EML1: variants seen among roughly 807,000 people sequenced by gnomAD.
EML1 encodes echinoderm microtubule-associated protein-like 1.
In EML1, 27 loss-of-function variants were observed where a neutral mutation model predicts 110.4. That is an observed-to-expected ratio of 0.24 (90% CI 0.18 to 0.34). The LOEUF is 0.34. EML1 is among the 10% of genes least tolerant of loss of function. EML1 has a pLI of 1.00. For missense variants in EML1, 741 were observed against 1,030.9 expected, an observed-to-expected ratio of 0.72 and a Z score of 3.85; for synonymous variants, 344 against 385.8, an observed-to-expected ratio of 0.89 and a Z score of 1.27.
intron 1 of EML1, among the ~76,000 whole-genome samples, chr14:99,775,692 C>T (rs182925329): frequency 1.1e-4 from 16 of 152,274 alleles, no homozygotes; most frequent in Non-Finnish European, 2.2e-4. Context: ...GTGGCCCAGC[C>T]GCCATGTGGA....
intron 17 of EML1, among the ~76,000 whole-genome samples, chr14:99,922,182 A>G (rs8012778): frequency 0.042 from 6,387 of 151,628 alleles, 501 homozygotes; most frequent in African/African-American, 0.15. Flanking sequence ...TTTTTGAGAC[A>G]GAGCCTCACT....
chr14:99,801,147 A>G (rs965663967), intron 1 of EML1, among the ~76,000 whole-genome samples: 12 of 152,240 alleles, frequency 7.9e-5, no homozygotes, highest in African/African-American at 2.9e-4. Context: ...ATAACCTTTG[A>G]AGGACAATGG....
At chr14:99,901,332 C>T (rs996173891) in intron 9 of EML1, among the ~76,000 whole-genome samples, 30 of 152,272 alleles carry the variant, frequency 2.0e-4, no homozygotes, top group Admixed American at 2.0e-3. Flanking sequence ...TGTGCTCTGG[C>T]CTTGAATTTC....
At chr14:99,828,781 G>A (rs960790174) in intron 1 of EML1, among the ~76,000 whole-genome samples, 1 of 152,178 alleles carries the variant, frequency 6.6e-6, no homozygotes, top group Non-Finnish European at 1.5e-5. Context: ...ATTATATGCT[G>A]TATTCTTCAA....
intron 19 of EML1, 96 bp from the exon 20 acceptor site, chr14:99,937,698 GGTCTCCCTCTCCAGGAAGGGCTC>G: frequency 1.3e-6 from 1 of 791,090 alleles, no homozygotes; most frequent in Non-Finnish European, 2.1e-6. Flanking sequence ...GGAAGTGGAA[GGTCTCCCTCTCCAGGAAGGGCTC>G]TGTACCCAAC....
chr14:99,750,341 CT>C (rs2057161641), intron 1 of EML1, among the ~76,000 whole-genome samples: 1 of 152,176 alleles, frequency 6.6e-6, no homozygotes, highest in Admixed American at 6.5e-5. Context: ...GGGAGAGGTG[CT>C]GGCAGCACAT....
chr14:99,771,250 C>T (rs1435168248), upstream of EML1, among the ~76,000 whole-genome samples: 4 of 152,196 alleles, frequency 2.6e-5, no homozygotes, highest in South Asian at 6.2e-4. Context: ...TTCCCTTCCC[C>T]TCAGTCTCTG....
At chr14:99,744,949 T>C (rs2057087675) in intron 1 of EML1, among the ~76,000 whole-genome samples, 1 of 152,220 alleles carries the variant, frequency 6.6e-6, no homozygotes, top group Admixed American at 6.5e-5. Flanking sequence ...TGAATAATAC[T>C]GGGGGAAATG....
At chr14:99,787,617 G>A (rs904190157) in intron 1 of EML1, among the ~76,000 whole-genome samples, 10 of 152,006 alleles carry the variant, frequency 6.6e-5, no homozygotes, top group African/African-American at 1.9e-4. Context: ...TGATCTGCTC[G>A]GACTCCCTTA....
chr14:99,939,112 A>G lies in EML1; in HGVS notation c.2192-85A>G. ...CTGGACTTCAGGCAGTTTCATGTTC[A>G]GGACCGTTCAGTGGGCGCTTCCTGC... On this transcript the variant is annotated intron_variant, in intron 20 of 21. Coordinates refer to ENST00000262233, the MANE Select transcript of EML1 (RefSeq NM_004434.3). This position sits in a 1 kb window ranked among gnomAD's most constrained non-coding sequence, Gnocchi z 4.2. 4 of 1,555,962 alleles carry G rather than the reference A, an allele frequency of 2.6e-6. No homozygotes were observed. Among genetic ancestry groups the G allele is most frequent in the Non-Finnish European group, 3.5e-6 (4 of 1,153,646 alleles).
At chr14:99,860,698 A>G (rs2058988864) in intron 2 of EML1, among the ~76,000 whole-genome samples, 1 of 152,162 alleles carries the variant, frequency 6.6e-6, no homozygotes, top group Admixed American at 6.5e-5. Context: ...ACAAAAACCC[A>G]AGGATGTTAT....
upstream of EML1, among the ~76,000 whole-genome samples, chr14:99,791,888 G>A (rs148986419): frequency 2.0e-4 from 30 of 152,228 alleles, 2 homozygotes; most frequent in African/African-American, 6.3e-4. Flanking sequence ...CCACTTGTCT[G>A]CACAATGTCT....
intron 17 of EML1, among the ~76,000 whole-genome samples, 195 bp downstream of exon 17, chr14:99,921,072 C>T (rs900869862): frequency 5.3e-5 from 8 of 152,132 alleles, no homozygotes; most frequent in Admixed American, 4.6e-4. Flanking sequence ...CTCCCTCCCC[C>T]TCGCCCCCCT....
At chr14:99,835,795 CTCT>C (rs2058531056) in intron 1 of EML1, among the ~76,000 whole-genome samples, 1 of 152,144 alleles carries the variant, frequency 6.6e-6, no homozygotes, top group African/African-American at 2.4e-5. Context: ...GCTGAAAATA[CTCT>C]TCTTTCTCTG....
chr14:99,744,532 C>G (rs2057082442), intron 1 of EML1, among the ~76,000 whole-genome samples: 1 of 152,142 alleles, frequency 6.6e-6, no homozygotes, highest in Non-Finnish European at 1.5e-5. Context: ...GAGTTTTTTT[C>G]CCCCGAATTG....
chr14:99,938,539 A>G (rs2060516016), intron 20 of EML1, among the ~76,000 whole-genome samples: 1 of 152,162 alleles, frequency 6.6e-6, no homozygotes, highest in South Asian at 2.1e-4. Context: ...TTTCCCCGAC[A>G]ATGGTCAGAA....
At chr14:99,929,988 TC>T (rs778254369) in intron 17 of EML1, among the ~76,000 whole-genome samples, 1 of 152,132 alleles carries the variant, frequency 6.6e-6, no homozygotes, top group Non-Finnish European at 1.5e-5. Context: ...TCCTGGGCCT[TC>T]CCAGGATGTG....
At chr14:99,819,286 A>G in intron 1 of EML1, among the ~76,000 whole-genome samples, 1 of 152,190 alleles carries the variant, frequency 6.6e-6, no homozygotes. Flanking sequence ...CATACTAAAC[A>G]TGATATTTTA....
At chr14:99,841,262 T>C (rs2058627819) in intron 1 of EML1, among the ~76,000 whole-genome samples, 1 of 152,246 alleles carries the variant, frequency 6.6e-6, no homozygotes, top group Non-Finnish European at 1.5e-5. Context: ...TCAATAATTA[T>C]TGTTAATCGT....
Sources: allele counts gnomAD v4.1 joint callset (sites outside exome capture counted in the v4.1 genomes callset), GRCh38; gene constraint gnomAD v4.1.1; non-coding constraint Gnocchi (gnomAD v3.1); transcripts MANE v1.5; gene names NCBI Gene and HGNC (gene_info 2026-07-23, HGNC 2026-07-21).